Variants in PKD1L3 observed in about 807,000 individuals in gnomAD.
The protein encoded by PKD1L3 is polycystin-1-like protein 3.
Under a neutral mutation model 184.1 loss-of-function variants are expected in PKD1L3, and 239 were observed. The observed-to-expected ratio is 1.30, with a 90% CI of 1.17 to 1.45. PKD1L3 has a LOEUF of 1.45. PKD1L3 is among the 40% of genes most tolerant of loss of function. The pLI is 0.00. For missense variants in PKD1L3, 2,660 were observed against 2,067.2 expected (o/e 1.29, Z -5.56); for synonymous variants, 996 against 778.8 (o/e 1.28, Z -4.64).
intron 4 of PKD1L3, among the ~76,000 whole-genome samples, chr16:71,987,569 C>T (rs1408630183): frequency 6.6e-6 from 1 of 151,824 alleles, no homozygotes; most frequent in East Asian, 1.9e-4. Context: ...GACAGGGTTT[C>T]ACCACCATGT....
chr16:71,931,358 C>T lies in PKD1L3; in HGVS notation c.4927-1175G>A, dbSNP rs371516369. 1.8e-4 allele frequency among the ~76,000 whole-genome samples: 27 copies of T among 152,070 alleles called. 1 individual carries two copies. Among genetic ancestry groups the T allele is most frequent in the Admixed American group, 9.8e-4 (15 of 15,268 alleles). On this transcript the variant is annotated intron_variant, in intron 28 of 29. Coordinates refer to ENST00000620267, the MANE Select transcript of PKD1L3 (RefSeq NM_181536.2). ...TCCCTTAGTATCTGAGAGAGATTGG[C>T]GCCAGGGCCCCCACAGGTACCAAAA...
chr16:71,951,520 G>A, intron 19 of PKD1L3, 44 bp downstream of exon 19: 1 of 1,508,326 alleles, frequency 6.6e-7, no homozygotes, highest in Admixed American at 2.1e-5. Flanking sequence ...CAAGGGAGTG[G>A]GAGGCAGATG....
intron 4 of PKD1L3, among the ~76,000 whole-genome samples, chr16:71,988,362 T>C (rs887087578): frequency 6.6e-6 from 1 of 152,168 alleles, no homozygotes; most frequent in African/African-American, 2.4e-5. Flanking sequence ...ACCCGGCTAA[T>C]TTTCATATTT....
Position 71,954,267 on chromosome 16 carries a change from T to C in PKD1L3, c.2647A>G (p.Thr883Ala), listed in dbSNP as rs540977575. 137 of 1,546,652 alleles carry C rather than the reference T, an allele frequency of 8.9e-5. 1 individual carries two copies. In the South Asian group the frequency reaches 1.6e-3, roughly 18 times the overall value. Residue 883 changes from threonine to alanine, a missense_variant, in exon 17 of 30, where the codon ACC becomes GCC. By Grantham distance (58) the Thr-to-Ala change is moderately conservative. Transcript: ENST00000620267. ...ATTGAAAGCCACAGATAATCCTGGG[T>C]GAACTTTTCCACAATCATGGAGGAA... is the stretch of plus-strand genomic sequence containing the variant. ...LFSSMIVEKF[T>A]QDYLWLSIAT...
At position 71,982,278 on chromosome 16, in the gene PKD1L3, CTTTTTTTTTTTTT is replaced by C. The variant is rs35324670; in HGVS notation, c.967-56_967-44del. The C allele has an allele frequency of 1.9e-3, 817 of 432,798 alleles. 13 individuals carry two copies. In the African/African-American group the frequency reaches 0.025, roughly 13 times the overall value. The allele number at this position is 432,798 out of a possible 1,614,324, so 26.8% of individuals were successfully genotyped here. A position where few individuals can be genotyped will look rare whatever the true frequency, so the allele number is the denominator to read the frequency against. On this transcript the variant is annotated intron_variant, in intron 6 of 29. Transcript: ENST00000620267. Reference sequence around the variant, plus strand: ...CAAACATACACCCTTGAATTGTTTGCTTTTTTTTTTTTTTTTTTTTTTTGGTGACAGAGTTTCA... The same window carrying C: ...CAAACATACACCCTTGAATTGTTTGCTTTTTTTTTTGGTGACAGAGTTTCA...
intron 11 of PKD1L3, 48 bp downstream of exon 11, chr16:71,977,188 A>G (rs1428536056): frequency 7.3e-7 from 1 of 1,378,804 alleles, no homozygotes; most frequent in Non-Finnish European, 1.0e-6. Flanking sequence ...ACTACATCCT[A>G]GGCAAAAAGA....
rs147581523 is a variant in PKD1L3, at chr16:71,957,893, T to C, written c.2613-3592A>G. Reference sequence around the variant, plus strand: ...AAAGACATTTTATTAAAGGGTCAATTAAGAAGATAAATTCATCTGTGCTGT... The same window carrying C: ...AAAGACATTTTATTAAAGGGTCAATCAAGAAGATAAATTCATCTGTGCTGT... On this transcript the variant is annotated intron_variant, in intron 16 of 29. Coordinates refer to ENST00000620267, the MANE Select transcript of PKD1L3 (RefSeq NM_181536.2). 8.7e-3 allele frequency among the ~76,000 whole-genome samples: 1,324 copies of C among 152,322 alleles called. 17 individuals are homozygous for C. The highest frequency in any genetic ancestry group is 0.028 in the African/African-American group (1,155 of 41,564).
chr16:71,960,799 T>C (rs1407508382), intron 16 of PKD1L3, among the ~76,000 whole-genome samples: 1 of 152,202 alleles, frequency 6.6e-6, no homozygotes, highest in East Asian at 1.9e-4. Context: ...GGTATATGCC[T>C]GTAATCCTAG....
intron 2 of PKD1L3, among the ~76,000 whole-genome samples, chr16:71,995,178 G>A (rs996767227): frequency 1.3e-5 from 2 of 152,098 alleles, no homozygotes; most frequent in Non-Finnish European, 2.9e-5. Flanking sequence ...ACCTCGTAAG[G>A]TGAAAAGGCA....
intron 24 of PKD1L3, among the ~76,000 whole-genome samples, chr16:71,940,741 C>T (rs1267333033): frequency 1.3e-5 from 2 of 152,278 alleles, no homozygotes; most frequent in Non-Finnish European, 1.5e-5. Flanking sequence ...TTCAGGTCAT[C>T]TGCCTGCCTC....
chr16:71,955,540 T>C (rs1363940081), intron 16 of PKD1L3, among the ~76,000 whole-genome samples: 1 of 151,846 alleles, frequency 6.6e-6, no homozygotes, highest in Non-Finnish European at 1.5e-5. Context: ...CAGGTTGGAG[T>C]GGAGTGCAGT....
chr16:71,941,148 T>G (rs2038346475), intron 24 of PKD1L3, among the ~76,000 whole-genome samples: 1 of 151,992 alleles, frequency 6.6e-6, no homozygotes, highest in South Asian at 2.1e-4. Context: ...TGCCTTTCTT[T>G]AAAAGGACAG....
At chr16:71,953,746 G>A (rs1165814941) in intron 17 of PKD1L3, among the ~76,000 whole-genome samples, 3 of 152,062 alleles carry the variant, frequency 2.0e-5, no homozygotes, top group Non-Finnish European at 4.4e-5. Context: ...GAAAAGCATG[G>A]GAGAAACTGC....
At chr16:71,983,950 A>G in intron 6 of PKD1L3, 86 bp downstream of exon 6, 1 of 1,497,554 alleles carries the variant, frequency 6.7e-7, no homozygotes, top group Non-Finnish European at 9.0e-7. Flanking sequence ...GGCGTGAGCC[A>G]CCGCACCCAG....
At chr16:71,986,181 G>A in intron 5 of PKD1L3, 40 bp downstream of exon 5, 1 of 1,545,526 alleles carries the variant, frequency 6.5e-7, no homozygotes. Flanking sequence ...ACTTTTTGGG[G>A]GTCACAAAGC....
chr16:71,984,364 G>A (rs540033149), intron 5 of PKD1L3, among the ~76,000 whole-genome samples, 197 bp from the exon 6 acceptor site: 74 of 152,282 alleles, frequency 4.9e-4, no homozygotes, highest in African/African-American at 1.7e-3. Flanking sequence ...CCATACGATA[G>A]AGAAAATGAA....
rs778745189 is a variant in PKD1L3 at position 71,963,247 on chromosome 16, C to T, written c.2570G>A (p.Arg857Gln). The change falls in exon 16 of 30, where the codon CGG (arginine) becomes CAG (glutamine). Residue 857 changes from arginine (R) to glutamine (Q), a missense_variant. Coordinates refer to ENST00000620267, the MANE Select transcript of PKD1L3 (RefSeq NM_181536.2). ...AVDLGDCELD[R>Q]VFIPVSKREL... ...TCTCTTTGAAACTGGGATGAAGACCCGGTCAAGCTCACAGTCTCCGAGGTC... is the reference window on the plus strand; with the variant it reads ...TCTCTTTGAAACTGGGATGAAGACCTGGTCAAGCTCACAGTCTCCGAGGTC... The T allele has an allele frequency of 9.0e-6, 14 of 1,550,824 alleles. No homozygotes were observed. The highest frequency in any genetic ancestry group is 3.6e-5 in the South Asian group (3 of 83,902).
chr16:71,959,020 G>A (rs755909587), intron 16 of PKD1L3, among the ~76,000 whole-genome samples: 3 of 139,422 alleles, frequency 2.2e-5, no homozygotes, highest in Admixed American at 1.5e-4. Context: ...GGAGGCAGAG[G>A]TTATAGTAAG....
At position 71,967,936 on chromosome 16, in the gene PKD1L3, T is replaced by A; in HGVS notation, c.2256A>T (p.Gly752=). ...QFHYLIQVYT[G]YRRSAATTAK... is the part of the protein sequence containing the mutation. The stretch of plus-strand genomic sequence containing the variant: ...CTGTTGTAGCAGCGCTTCTTCGATA[T>A]CCGGTGTAGACCTGAATAAGGTAGT... The change falls in exon 14 of 30, where the codon GGA becomes GGT. Residue 752 remains glycine, a synonymous_variant. Transcript: ENST00000620267. 2 of 1,551,594 alleles carry A rather than the reference T, an allele frequency of 1.3e-6. No homozygotes were observed. Among genetic ancestry groups the A allele is most frequent in the Non-Finnish European group, 1.7e-6 (2 of 1,146,860 alleles).
Sources: allele counts gnomAD v4.1 joint callset (sites outside exome capture counted in the v4.1 genomes callset), GRCh38; gene constraint gnomAD v4.1.1; transcripts MANE v1.5; gene names NCBI Gene and HGNC (gene_info 2026-07-23, HGNC 2026-07-21).